Variants in MTA3 observed in about 807,000 individuals in gnomAD.
MTA3 encodes the protein metastasis associated 1 family member 3, also known as metastasis-associated protein MTA3.
Under a neutral mutation model 83.5 loss-of-function variants are expected in MTA3, and 34 were observed. That is an observed-to-expected ratio of 0.41 (90% confidence interval 0.31 to 0.54). The LOEUF is 0.54. Ranked by LOEUF, MTA3 falls within the 20% of genes least tolerant of loss-of-function variation. The probability of loss-of-function intolerance (pLI) is 0.33; values close to 1 mark genes in which losing one functional copy is unlikely to be tolerated. For missense variants in MTA3, 761 were observed against 726.4 expected, an observed-to-expected ratio of 1.05 and a Z score of -0.55; for synonymous variants, 303 against 252.7, an observed-to-expected ratio of 1.20 and a Z score of -1.89.
In MTA3 at chr2:42,662,950, C is replaced by T. The variant is rs1459674238; in HGVS notation, c.702+3088C>T. Among the ~76,000 whole-genome samples the T allele has an allele frequency of 3.3e-5, 5 of 150,390 alleles. No homozygotes were observed. In the South Asian group the frequency reaches 1.1e-3, roughly 32 times the overall value. ...TTCACCGTGTTGGTCAGGCTGGTCT[C>T]GAATTCCTGACCTCGTGATCTGCCC... On this transcript the variant is annotated intron_variant, in intron 8 of 16. Coordinates refer to ENST00000405094, the MANE Select transcript of MTA3 (RefSeq NM_001330442.2).
intron 3 of MTA3, among the ~76,000 whole-genome samples, chr2:42,594,729 T>TATATATATATATATAAATATA (rs1491154379): frequency 5.2e-5 from 1 of 19,158 alleles, no homozygotes; most frequent in Non-Finnish European, 7.9e-5. Context: ...TATATATATA[T>TATATATATATATATAAATATA]TTTTTTTTTT....
At chr2:42,667,570 T>TTG (rs1553379043) in intron 8 of MTA3, among the ~76,000 whole-genome samples, 17,333 of 144,038 alleles carry the variant, frequency 0.12, 1,331 homozygotes, top group Non-Finnish European at 0.19. Flanking sequence ...CATTTAAAAA[T>TTG]TGTGTGTGTG....
At chr2:42,649,298 G>A (rs1458934864) in intron 6 of MTA3, among the ~76,000 whole-genome samples, 2 of 152,018 alleles carry the variant, frequency 1.3e-5, no homozygotes, top group Non-Finnish European at 2.9e-5. Context: ...TCGGGAGGCT[G>A]AGGCAGGAGA....
At chr2:42,748,849 G>T (rs1365065205) in intron 16 of MTA3, among the ~76,000 whole-genome samples, 2 of 152,196 alleles carry the variant, frequency 1.3e-5, no homozygotes, top group Non-Finnish European at 2.9e-5. Flanking sequence ...GTTCTAGCAA[G>T]GAGTTACATT....
intron 14 of MTA3, among the ~76,000 whole-genome samples, chr2:42,713,264 GA>G (rs1463757650): frequency 2.6e-5 from 4 of 152,154 alleles, no homozygotes; most frequent in Non-Finnish European, 4.4e-5. Context: ...TCTGTTTGAA[GA>G]AGCTAATTTG....
chr2:42,642,240 A>G (rs1347967680), intron 5 of MTA3, among the ~76,000 whole-genome samples: 1 of 152,182 alleles, frequency 6.6e-6, no homozygotes, highest in Admixed American at 6.5e-5. Context: ...TAAGCAACTT[A>G]TATGACCCAA....
intron 6 of MTA3, among the ~76,000 whole-genome samples, chr2:42,649,887 T>G (rs886441329): frequency 2.6e-5 from 4 of 152,186 alleles, no homozygotes; most frequent in African/African-American, 9.7e-5. Context: ...AGTCCAGGGT[T>G]TAAGGAGATA....
intron 6 of MTA3, among the ~76,000 whole-genome samples, chr2:42,653,822 C>T (rs1688927053): frequency 6.6e-6 from 1 of 152,186 alleles, no homozygotes; most frequent in Non-Finnish European, 1.5e-5. Context: ...CAGGAGTATA[C>T]AACAGAAGGG....
intron 3 of MTA3, among the ~76,000 whole-genome samples, chr2:42,599,632 C>G (rs1432357373): frequency 3.3e-5 from 5 of 152,004 alleles, no homozygotes. Flanking sequence ...GTGGGTGAAA[C>G]TGCAGTTCCT....
chr2:42,734,163 C>T (rs372927391), intron 16 of MTA3, among the ~76,000 whole-genome samples: 1 of 152,054 alleles, frequency 6.6e-6, no homozygotes, highest in African/African-American at 2.4e-5. Context: ...TGGTCTCTCT[C>T]TCTCTCTGTA....
intron 13 of MTA3, among the ~76,000 whole-genome samples, chr2:42,708,417 G>A (rs4953575): frequency 0.64 from 97,314 of 152,098 alleles, 32,074 homozygotes; most frequent in African/African-American, 0.8. Flanking sequence ...TTTTCTCCCC[G>A]TGGCTGTTTT....
intron 2 of MTA3, among the ~76,000 whole-genome samples, chr2:42,576,790 G>C (rs544528985): frequency 3.9e-5 from 6 of 152,264 alleles, no homozygotes; most frequent in African/African-American, 1.4e-4. Flanking sequence ...CCAGCTACTC[G>C]GGAGGCTGAG....
intron 4 of MTA3, among the ~76,000 whole-genome samples, chr2:42,609,928 ATC>A (rs1230982407): frequency 1.3e-5 from 2 of 152,074 alleles, no homozygotes; most frequent in Non-Finnish European, 1.5e-5. Context: ...GTGAAACCCC[ATC>A]TCTACTAAAA....
chr2:42,709,478 C>T (rs535814388), intron 14 of MTA3: 6 of 261,710 alleles, frequency 2.3e-5, no homozygotes, highest in East Asian at 1.3e-4. Context: ...ACTCCATAAT[C>T]GAGACAGTAC....
At chr2:42,750,833 G>C (rs1669820794) in intron 16 of MTA3, among the ~76,000 whole-genome samples, 2 of 151,862 alleles carry the variant, frequency 1.3e-5, no homozygotes, top group South Asian at 4.1e-4. Flanking sequence ...GTGGGACGTA[G>C]ACAGTTGCCT....
chr2:42,520,059 G>A (rs1336889049), intron 2 of MTA3, among the ~76,000 whole-genome samples: 3 of 152,156 alleles, frequency 2.0e-5, no homozygotes, highest in Admixed American at 6.5e-5. Flanking sequence ...AATAAATAAA[G>A]TGATTGAGTT....
chr2:42,709,230 A>AT, intron 14 of MTA3, 134 bp downstream of exon 14: 3 of 1,431,418 alleles, frequency 2.1e-6, no homozygotes, highest in African/African-American at 1.5e-5. Flanking sequence ...TATTTGGTTT[A>AT]TTTTTTAACA....
chr2:42,756,753 T>C lies in MTA3; in HGVS notation c.*3354T>C, dbSNP rs891020339. Reference sequence around the variant, plus strand: ...CATGTCCCAGTTTTCTGTCCACCCCTCCTGTTCCTCTGCACTATGTCTCTG... The same window carrying C: ...CATGTCCCAGTTTTCTGTCCACCCCCCCTGTTCCTCTGCACTATGTCTCTG... On this transcript the variant is annotated 3_prime_UTR_variant, in exon 17 of 17. Coordinates refer to ENST00000405094, the MANE Select transcript of MTA3 (RefSeq NM_001330442.2). 1.8e-5 allele frequency: 18 copies of C among 985,284 alleles called. No individual in the cohort carries two copies. Among genetic ancestry groups the C allele is most frequent in the Non-Finnish European group, 2.0e-5 (17 of 829,948 alleles). The allele number at this position is 985,284 out of a possible 1,614,324, so 61.0% of individuals were successfully genotyped here.
Position 42,704,261 on chromosome 2 carries a change from G to T in MTA3, c.1093G>T (p.Gly365Trp). 6.2e-7 allele frequency: 1 copy of T among 1,613,938 alleles called. No homozygotes were observed. The highest frequency in any genetic ancestry group is 8.5e-7 in the Non-Finnish European group (1 of 1,179,858). Residue 365 changes from glycine (G) to tryptophan (W), a missense_variant, in exon 12 of 17, where the codon GGG (glycine) becomes TGG (tryptophan). Transcript: ENST00000405094. ...GCCTGGTGCTGTGAATGGAGCTGTG[G>T]GGACCACGTTCCAGCCTCAGAATCC... ...GKPGAVNGAV[G>W]TTFQPQNPLL...
Sources: allele counts gnomAD v4.1 joint callset (sites outside exome capture counted in the v4.1 genomes callset), GRCh38; gene constraint gnomAD v4.1.1; transcripts MANE v1.5; gene names NCBI Gene and HGNC (gene_info 2026-07-23, HGNC 2026-07-21).